Variants in WDR41 observed in about 807,000 individuals in gnomAD.
WDR41 encodes the protein WD repeat-containing protein 41.
In WDR41, 63 loss-of-function variants were observed where a neutral mutation model predicts 69.3. That is an observed-to-expected ratio of 0.91 (90% CI 0.74 to 1.12). The LOEUF is 1.12. Among genes scored for constraint, WDR41 ranks in the 50% most tolerant of loss-of-function variants. The pLI, the probability that WDR41 is intolerant of heterozygous loss-of-function variation, is 0.00. For synonymous variants in WDR41, 185 were observed against 192.1 expected (o/e 0.96, Z 0.31); for missense variants, 543 against 534.5 (o/e 1.02, Z -0.16).
chr5:77,595,750 A>G (rs1744216108), intron 1 of WDR41, among the ~76,000 whole-genome samples: 2 of 152,144 alleles, frequency 1.3e-5, no homozygotes, highest in South Asian at 4.1e-4. Flanking sequence ...TAATGATTAT[A>G]TTTATCTAAT....
intron 3 of WDR41, among the ~76,000 whole-genome samples, chr5:77,463,960 A>C (rs1264123109): frequency 6.6e-6 from 1 of 152,224 alleles, no homozygotes; most frequent in Non-Finnish European, 1.5e-5. Flanking sequence ...GGTGAGAGGA[A>C]GATACTTCAA....
At chr5:77,470,995 A>G (rs1484511396) in intron 2 of WDR41, among the ~76,000 whole-genome samples, 2 of 152,176 alleles carry the variant, frequency 1.3e-5, no homozygotes, top group African/African-American at 2.4e-5. Flanking sequence ...ATCACACCAC[A>G]CTTATTTCAA....
chr5:77,582,244 G>A, intron 1 of WDR41: 1 of 796,144 alleles, frequency 1.3e-6, no homozygotes, highest in Admixed American at 2.3e-5. Context: ...TAGATGAAAT[G>A]GACAAAATTC....
At chr5:77,498,555 A>C (rs1801967317) in intron 1 of WDR41, among the ~76,000 whole-genome samples, 1 of 152,212 alleles carries the variant, frequency 6.6e-6, no homozygotes, top group Non-Finnish European at 1.5e-5. Flanking sequence ...ATGGTGTCTC[A>C]AGCCTATAAT....
chr5:77,471,596 T>A (rs1800615087), intron 2 of WDR41, among the ~76,000 whole-genome samples: 1 of 151,924 alleles, frequency 6.6e-6, no homozygotes, highest in Non-Finnish European at 1.5e-5. Flanking sequence ...AAAGGGGATA[T>A]CACCACCAAT....
chr5:77,512,195 A>C (rs958916926), intron 1 of WDR41, among the ~76,000 whole-genome samples: 5 of 152,208 alleles, frequency 3.3e-5, no homozygotes, highest in Non-Finnish European at 5.9e-5. Flanking sequence ...CAAAATATTC[A>C]TGCCTGGGTT....
chr5:77,560,150 T>A (rs993247455), intron 1 of WDR41, among the ~76,000 whole-genome samples: 2 of 152,170 alleles, frequency 1.3e-5, no homozygotes, highest in Non-Finnish European at 2.9e-5. Flanking sequence ...TCTGTTAGGT[T>A]GTATAAAAAA....
At chr5:77,472,482 T>C (rs867413854) in intron 2 of WDR41, among the ~76,000 whole-genome samples, 19 of 151,542 alleles carry the variant, frequency 1.3e-4, no homozygotes, top group Non-Finnish European at 1.9e-4. Flanking sequence ...GGAAGTCAAA[T>C]TGTCCCTGTT....
chr5:77,472,120 T>C (rs1800651560), intron 2 of WDR41, among the ~76,000 whole-genome samples: 2 of 152,194 alleles, frequency 1.3e-5, no homozygotes, highest in South Asian at 4.1e-4. Context: ...TGGTTCAATA[T>C]ACGCAAATCA....
Position 77,591,988 on chromosome 5 carries a change from T to G in WDR41, c.42+28491A>C, listed in dbSNP as rs746585958. Among the ~76,000 whole-genome samples the G allele has an allele frequency of 2.7e-4, 41 of 152,290 alleles. 1 individual carries two copies. The Middle Eastern group carries it at 0.01, about 38-fold the overall frequency. ...GAAGTATACTAATCTACAATTATGA[T>G]TATGAAATTATCTATTTATATTTTT... On this transcript the variant is annotated intron_variant, in intron 1 of 5. Transcript: ENST00000509971.
chr5:77,502,714 T>G (rs1802039055), intron 1 of WDR41, among the ~76,000 whole-genome samples: 1 of 152,154 alleles, frequency 6.6e-6, no homozygotes, highest in Non-Finnish European at 1.5e-5. Context: ...GGGGCTGATA[T>G]TCAACATTCT....
intron 1 of WDR41, among the ~76,000 whole-genome samples, chr5:77,498,639 C>T (rs879394704): frequency 4.6e-5 from 7 of 151,816 alleles, no homozygotes; most frequent in Admixed American, 6.6e-5. Context: ...GGCAACATAG[C>T]GAGACCTCAT....
At chr5:77,491,185 G>A in intron 1 of WDR41, 1 of 409,334 alleles carries the variant, frequency 2.4e-6, no homozygotes, top group Non-Finnish European at 5.0e-6. Flanking sequence ...CTTAAGTGAT[G>A]ACATTACCTT....
At chr5:77,582,634 C>T (rs1057364836) in intron 1 of WDR41, 3 of 1,601,780 alleles carry the variant, frequency 1.9e-6, no homozygotes, top group Non-Finnish European at 2.5e-6. Flanking sequence ...ACCTGCAGAA[C>T]CCAAATTGGC....
At chr5:77,515,579 A>C (rs551166866) in intron 1 of WDR41, among the ~76,000 whole-genome samples, 1 of 152,336 alleles carries the variant, frequency 6.6e-6, no homozygotes, top group East Asian at 1.9e-4. Context: ...ATTCTTATCA[A>C]GTATTATATA....
chr5:77,438,818 C>T (rs1055631177), intron 9 of WDR41, among the ~76,000 whole-genome samples: 4 of 152,070 alleles, frequency 2.6e-5, no homozygotes, highest in East Asian at 3.9e-4. Flanking sequence ...ACAAGTGATA[C>T]AAAAAAGCAC....
intron 1 of WDR41, among the ~76,000 whole-genome samples, chr5:77,564,749 C>A (rs1480819889): frequency 1.3e-5 from 2 of 152,134 alleles, no homozygotes; most frequent in African/African-American, 4.8e-5. Context: ...CAGTCCTGAC[C>A]TTTGCTTTGT....
intron 1 of WDR41, among the ~76,000 whole-genome samples, chr5:77,618,581 C>T (rs1007452099): frequency 2.0e-5 from 3 of 152,114 alleles, no homozygotes; most frequent in African/African-American, 7.2e-5. Context: ...CCATGTTGGC[C>T]AGGCTGGTCT....
chr5:77,591,865 G>C (rs1456767634), intron 1 of WDR41, among the ~76,000 whole-genome samples: 19 of 152,006 alleles, frequency 1.2e-4, no homozygotes, highest in Non-Finnish European at 7.4e-5. Flanking sequence ...TACATTCTAG[G>C]TTGTTAAATA....
Sources: allele counts gnomAD v4.1 joint callset (sites outside exome capture counted in the v4.1 genomes callset), GRCh38; gene constraint gnomAD v4.1.1; transcripts MANE v1.5; gene names NCBI Gene and HGNC (gene_info 2026-07-23, HGNC 2026-07-21).